MYH3: variants seen among roughly 807,000 people sequenced by gnomAD.
MYH3 encodes the protein myosin heavy chain 3.
In MYH3, 130 loss-of-function variants were observed where a neutral mutation model predicts 238.0. The observed-to-expected ratio is 0.55, with a 90% confidence interval of 0.47 to 0.63. MYH3 has a LOEUF of 0.63. Ranked by LOEUF, MYH3 falls within the 30% of genes least tolerant of loss-of-function variation. The pLI, the probability that MYH3 is intolerant of heterozygous loss-of-function variation, is 0.00. For synonymous variants in MYH3, 880 were observed against 924.1 expected, an observed-to-expected ratio of 0.95 and a Z score of 0.86; for missense variants, 1,853 against 2,374.9, an observed-to-expected ratio of 0.78 and a Z score of 4.57.
chr17:10,670,109 T>A, the MYH3 span, among the ~76,000 whole-genome samples: 5 of 152,276 alleles, frequency 3.3e-5, no homozygotes, highest in South Asian at 1.0e-3. The surrounding 1 kb of genome is among the most constrained non-coding windows in gnomAD (Gnocchi z 7.0). Context: ...GGAATGTCCA[T>A]GACAGTACAT....
At position 10,645,846 on chromosome 17, in the gene MYH3, C is replaced by G; in HGVS notation, c.1003-1G>C. On this transcript the variant is annotated splice_acceptor_variant, in intron 11 of 40. Coordinates refer to ENST00000583535, the MANE Select transcript of MYH3 (RefSeq NM_002470.4). LOFTEE classifies it high-confidence loss of function. The stretch of plus-strand genomic sequence containing the variant: ...TGAAGCCCAGGATGTCAATGGCGCT[C>G]TGGCATGGAAAGGGCAGCACGTCAG... The G allele has an allele frequency of 6.2e-7, 1 of 1,613,956 alleles. No individual in the cohort carries two copies. The highest frequency in any genetic ancestry group is 2.2e-5 in the East Asian group (1 of 44,806).
chr17:10,659,992 G>A (rs1295898328), upstream of MYH3, among the ~76,000 whole-genome samples: 1 of 152,232 alleles, frequency 6.6e-6, no homozygotes, highest in Non-Finnish European at 1.5e-5. Flanking sequence ...AGAACTGCAT[G>A]TACTTCCACA....
upstream of MYH3, chr17:10,657,454 A>C (rs2074444953): frequency 6.6e-6 from 1 of 152,176 alleles, no homozygotes; most frequent in African/African-American, 2.4e-5. Context: ...TTGCCAAGGG[A>C]AAGGTATAAT....
At chr17:10,645,679 C>T in intron 12 of MYH3, 28 bp downstream of exon 12, 4 of 1,611,812 alleles carry the variant, frequency 2.5e-6, no homozygotes, top group African/African-American at 1.3e-5. Context: ...GCCACCCGCT[C>T]TGGTTTGCTG....
At chr17:10,631,463 C>T in intron 36 of MYH3, 148 bp downstream of exon 36, 2 of 1,108,522 alleles carry the variant, frequency 1.8e-6, no homozygotes, top group Non-Finnish European at 1.3e-6. Flanking sequence ...CAGGAGGGAA[C>T]AGGGGAGTTT....
rs1226458625 is a variant in MYH3, at chr17:10,651,385, G to C, written c.505+127C>G. On this transcript the variant is annotated intron_variant, in intron 5 of 40. Transcript: ENST00000583535. ...GATGCAGCCCCTTTCTGCCTCTTTT[G>C]GCTCCTTCTTCCTCCTTTCCCTGTG... 6 of 1,536,212 alleles carry C rather than the reference G, an allele frequency of 3.9e-6. No individual in the cohort carries two copies. The East Asian group carries it at 1.4e-4, about 35-fold the overall frequency.
At chr17:10,650,655 T>G (rs2074366006) in intron 5 of MYH3, among the ~76,000 whole-genome samples, 1 of 152,230 alleles carries the variant, frequency 6.6e-6, no homozygotes, top group Admixed American at 6.5e-5. Context: ...GGCAGAATGA[T>G]TAAATCAAGC....
upstream of MYH3, chr17:10,658,436 G>A (rs1258676618): frequency 6.6e-6 from 1 of 152,286 alleles, no homozygotes; most frequent in African/African-American, 2.4e-5. Context: ...AGGCAGGGCT[G>A]CGGTCTCAGG....
upstream of MYH3, among the ~76,000 whole-genome samples, chr17:10,659,844 A>G (rs1415571021): frequency 6.6e-6 from 1 of 152,206 alleles, no homozygotes; most frequent in Non-Finnish European, 1.5e-5. Context: ...AGCGTCAGGG[A>G]TAGAGGTCAG....
At chr17:10,640,755 C>G in intron 19 of MYH3, 69 bp from the exon 20 acceptor site, 2 of 1,566,086 alleles carry the variant, frequency 1.3e-6, no homozygotes, top group Non-Finnish European at 1.7e-6. Context: ...ACATGTAGTT[C>G]AGGCCTCTCT....
At chr17:10,647,695 C>T (rs2074336123) in intron 8 of MYH3, among the ~76,000 whole-genome samples, 3 of 152,204 alleles carry the variant, frequency 2.0e-5, no homozygotes, top group Admixed American at 1.3e-4. Flanking sequence ...CAATCACGTG[C>T]CACCACACCT....
chr17:10,653,572 T>C (rs1164093839), intron 3 of MYH3, among the ~76,000 whole-genome samples: 1 of 152,104 alleles, frequency 6.6e-6, no homozygotes, highest in African/African-American at 2.4e-5. Context: ...TGCACTTCTC[T>C]CAGCAGGACA....
rs1422628058 is a variant in MYH3, at chr17:10,654,475, G to A, written c.204+386C>T. 6.6e-6 allele frequency among the ~76,000 whole-genome samples: 1 copy of A among 152,176 alleles called. No homozygotes were observed. The highest frequency in any genetic ancestry group is 6.5e-5 in the Admixed American group (1 of 15,274). ...TTTTCCTTACTTCCTTGGTTAGATG[G>A]CCATTGATAGAATAATTTGGGACAA... On this transcript the variant is annotated intron_variant, in intron 3 of 40. Transcript: ENST00000583535. The surrounding 1 kb of genome is among the most constrained non-coding windows in gnomAD (Gnocchi z 4.5).
At chr17:10,635,281 T>A in intron 30 of MYH3, 86 bp downstream of exon 30, 1 of 1,582,700 alleles carries the variant, frequency 6.3e-7, no homozygotes, top group Non-Finnish European at 8.7e-7. Flanking sequence ...TAAAGACACA[T>A]GAGATGGGGA....
chr17:10,669,092 C>T, the MYH3 span, among the ~76,000 whole-genome samples: 1 of 152,116 alleles, frequency 6.6e-6, no homozygotes, highest in East Asian at 1.9e-4. Flanking sequence ...AATGTTTGCC[C>T]AGGGCAACAG....
At chr17:10,647,823 G>A (rs1012149237) in intron 8 of MYH3, among the ~76,000 whole-genome samples, 2 of 152,188 alleles carry the variant, frequency 1.3e-5, no homozygotes, top group Admixed American at 6.5e-5. Flanking sequence ...GATTACAGGC[G>A]TGAGCCACCG....
chr17:10,653,922 C>G (rs545928371), intron 3 of MYH3, among the ~76,000 whole-genome samples: 1 of 152,168 alleles, frequency 6.6e-6, no homozygotes, highest in African/African-American at 2.4e-5. Flanking sequence ...AGAGAGCCAC[C>G]TTTTCGGAGC....
upstream of MYH3, among the ~76,000 whole-genome samples, chr17:10,662,091 G>A (rs1324490676): frequency 6.6e-6 from 1 of 151,426 alleles, no homozygotes; most frequent in East Asian, 1.9e-4. Context: ...CCATGATCTT[G>A]GCTCACTACA....
intron 4 of MYH3, 140 bp from the exon 5 acceptor site, chr17:10,651,808 A>C: frequency 8.2e-7 from 1 of 1,221,532 alleles, no homozygotes; most frequent in Non-Finnish European, 1.1e-6. Context: ...CAGTGGCACG[A>C]TCTTGGCTCA....
Sources: allele counts gnomAD v4.1 joint callset (sites outside exome capture counted in the v4.1 genomes callset), GRCh38; gene constraint gnomAD v4.1.1; non-coding constraint Gnocchi (gnomAD v3.1); transcripts MANE v1.5; gene names NCBI Gene and HGNC (gene_info 2026-07-23, HGNC 2026-07-21).